DENND1B: variants seen among roughly 807,000 people sequenced by gnomAD.
The protein encoded by DENND1B is DENN domain-containing protein 1B.
A neutral mutation model predicts 90.1 loss-of-function variants in DENND1B; 59 were observed. The ratio of observed to expected loss-of-function variants is 0.65; its 90% CI spans 0.53 to 0.81. The LOEUF is 0.81. Ranked by LOEUF, DENND1B falls within the 40% of genes least tolerant of loss-of-function variation. DENND1B has a pLI of 0.00. For synonymous variants in DENND1B, 337 were observed against 324.6 expected (o/e 1.04, Z -0.41); for missense variants, 862 against 912.6 (o/e 0.94, Z 0.71).
chr1:197,583,017 T>TCC, intron 15 of DENND1B, 135 bp downstream of exon 15: 1 of 742,368 alleles, frequency 1.3e-6, no homozygotes. Flanking sequence ...AGCTACGACT[T>TCC]ACAAAATAAA....
chr1:197,576,185 C>A (rs1422829975), intron 15 of DENND1B, among the ~76,000 whole-genome samples: 1 of 152,126 alleles, frequency 6.6e-6, no homozygotes, highest in African/African-American at 2.4e-5. Flanking sequence ...GGCGGAATGA[C>A]AGGAAGCATA....
intron 2 of DENND1B, among the ~76,000 whole-genome samples, chr1:197,722,924 T>A (rs1661313944): frequency 6.6e-6 from 1 of 152,194 alleles, no homozygotes; most frequent in Non-Finnish European, 1.5e-5. Context: ...TCCACTGTGA[T>A]TATCTTCATT....
At chr1:197,553,371 TAGCAA>T (rs2125686337) in intron 15 of DENND1B, among the ~76,000 whole-genome samples, 1 of 152,238 alleles carries the variant, frequency 6.6e-6, no homozygotes, top group African/African-American at 2.4e-5. Flanking sequence ...TCTAACTTAT[TAGCAA>T]AAAATAGCAA....
chr1:197,655,757 C>T (rs995851121), intron 6 of DENND1B, among the ~76,000 whole-genome samples: 4 of 152,090 alleles, frequency 2.6e-5, no homozygotes, highest in Non-Finnish European at 5.9e-5. Flanking sequence ...TGGTCTCGAT[C>T]TCCTGACCTC....
intron 15 of DENND1B, among the ~76,000 whole-genome samples, chr1:197,560,929 C>T (rs371836938): frequency 6.6e-6 from 1 of 151,860 alleles, no homozygotes; most frequent in African/African-American, 2.4e-5. Flanking sequence ...ATTCTACAAG[C>T]TCTAAGTCAC....
chr1:197,768,312 A>C (rs1449638510), intron 2 of DENND1B, among the ~76,000 whole-genome samples: 1 of 151,942 alleles, frequency 6.6e-6, no homozygotes, highest in Non-Finnish European at 1.5e-5. Context: ...GGAATAAACT[A>C]TCAACAAAAT....
chr1:197,660,607 T>C (rs754690548), intron 5 of DENND1B, among the ~76,000 whole-genome samples: 6 of 152,026 alleles, frequency 3.9e-5, no homozygotes, highest in Admixed American at 1.3e-4. Flanking sequence ...AAACAAGGGA[T>C]AGAAGAGTGC....
At chr1:197,564,076 G>A (rs1282689659) in intron 15 of DENND1B, among the ~76,000 whole-genome samples, 1 of 151,950 alleles carries the variant, frequency 6.6e-6, no homozygotes, top group Non-Finnish European at 1.5e-5. Flanking sequence ...AGTTTCATGA[G>A]ATGAAATCTA....
upstream of DENND1B, chr1:197,775,569 T>G (rs1558510220): frequency 6.4e-6 from 1 of 155,324 alleles, no homozygotes; most frequent in Non-Finnish European, 1.4e-5. Flanking sequence ...AGTCGGAGAC[T>G]GTGGAGGAGG....
At chr1:197,643,449 C>A (rs1680457383) in intron 9 of DENND1B, among the ~76,000 whole-genome samples, 1 of 152,106 alleles carries the variant, frequency 6.6e-6, no homozygotes, top group South Asian at 2.1e-4. Context: ...AGACACCACA[C>A]CTGGCCAAGA....
chr1:197,582,704 G>GT lies in DENND1B; in HGVS notation c.1149+447dup, dbSNP rs200121404. ...ATGAGTCTTATTATTAATTCTGAAT[G>GT]TATGAGTATTAAAAAGTCTTACAAA... is the stretch of plus-strand genomic sequence containing the variant. On this transcript the variant is annotated intron_variant, in intron 15 of 22. Transcript: ENST00000620048. 3.7e-4 allele frequency among the ~76,000 whole-genome samples: 56 copies of GT among 152,214 alleles called. No individual in the cohort carries two copies. In the East Asian group the frequency reaches 0.01, roughly 28 times the overall value.
rs1420383695 is a variant in DENND1B, at chr1:197,626,756, G to T, written c.673-8997C>A. On this transcript the variant is annotated intron_variant, in intron 10 of 22. Coordinates refer to ENST00000620048, the MANE Select transcript of DENND1B (RefSeq NM_001195215.2). ...AATCCAGGAGCTGGTTTTTTGAAAG[G>T]ATCAACAAAATTGATAGACCGCTAG... 3.3e-5 allele frequency among the ~76,000 whole-genome samples: 5 copies of T among 151,886 alleles called. No individual in the cohort carries two copies. The East Asian group carries it at 9.7e-4, about 29-fold the overall frequency.
In DENND1B at chr1:197,652,380, A is replaced by G. The variant is rs1448977811; in HGVS notation, c.367-65T>C. On this transcript the variant is annotated intron_variant, in intron 6 of 22. Coordinates refer to ENST00000620048, the MANE Select transcript of DENND1B (RefSeq NM_001195215.2). ...ATACCAAGCAACTGCAATTAAAACTATTTGATAAAATAATCTACTATGGCT... is the reference window on the plus strand; with the variant it reads ...ATACCAAGCAACTGCAATTAAAACTGTTTGATAAAATAATCTACTATGGCT... 5.6e-6 allele frequency: 7 copies of G among 1,250,904 alleles called. No homozygotes were observed. The African/African-American group carries it at 9.4e-5, about 17-fold the overall frequency. The allele number at this position is 1,250,904 out of a possible 1,614,324, so 77.5% of individuals were successfully genotyped here.
chr1:197,687,238 A>C (rs1657339964), intron 3 of DENND1B, among the ~76,000 whole-genome samples: 1 of 152,166 alleles, frequency 6.6e-6, no homozygotes, highest in Non-Finnish European at 1.5e-5. Flanking sequence ...TCATCTATAA[A>C]ATAAGATAAC....
At chr1:197,779,271 T>A (rs1558512244), upstream of DENND1B, among the ~76,000 whole-genome samples, 2 of 152,230 alleles carry the variant, frequency 1.3e-5, no homozygotes, top group South Asian at 4.1e-4. Context: ...AGTTCCCTAA[T>A]AACAATTGGA....
chr1:197,701,388 A>G (rs1659013471), intron 3 of DENND1B, among the ~76,000 whole-genome samples: 1 of 152,156 alleles, frequency 6.6e-6, no homozygotes, highest in Non-Finnish European at 1.5e-5. Flanking sequence ...ATGAGAATAC[A>G]TGGATACAGA....
At chr1:197,604,468 A>C (rs971597319) in intron 13 of DENND1B, among the ~76,000 whole-genome samples, 1 of 151,276 alleles carries the variant, frequency 6.6e-6, no homozygotes, top group Non-Finnish European at 1.5e-5. Context: ...CATGCAACAC[A>C]GCAGAGGGTC....
rs575537725 is a variant in DENND1B, at chr1:197,758,403, A to C, written c.82+14465T>G. Among the ~76,000 whole-genome samples, 4 of 152,336 alleles carry C rather than the reference A, an allele frequency of 2.6e-5. No homozygotes were observed. The South Asian group carries it at 6.2e-4, about 24-fold the overall frequency. On this transcript the variant is annotated intron_variant, in intron 2 of 22. Coordinates refer to ENST00000620048, the MANE Select transcript of DENND1B (RefSeq NM_001195215.2). Reference sequence around the variant, plus strand: ...ACTAACAATTTCTGTTGAAGTGATCATACCTTTTTTCATACGGCTAACAAC... The same window carrying C: ...ACTAACAATTTCTGTTGAAGTGATCCTACCTTTTTTCATACGGCTAACAAC...
At chr1:197,630,166 C>A (rs1054458579) in intron 10 of DENND1B, among the ~76,000 whole-genome samples, 1 of 152,038 alleles carries the variant, frequency 6.6e-6, no homozygotes, top group Admixed American at 6.6e-5. Context: ...ATTTTTTATA[C>A]TTTATTTTCT....
Sources: allele counts gnomAD v4.1 joint callset (sites outside exome capture counted in the v4.1 genomes callset), GRCh38; gene constraint gnomAD v4.1.1; transcripts MANE v1.5; gene names NCBI Gene and HGNC (gene_info 2026-07-23, HGNC 2026-07-21).